BIRC6: variants seen among roughly 807,000 people sequenced by gnomAD.
BIRC6 encodes baculoviral IAP repeat containing 6.
A neutral mutation model predicts 503.3 loss-of-function variants in BIRC6; 98 were observed. The ratio of observed to expected loss-of-function variants is 0.19; its 90% CI spans 0.17 to 0.23. The LOEUF (loss-of-function observed/expected upper bound fraction) is 0.23. BIRC6 is among the 10% of genes least tolerant of loss of function. The pLI is 1.00. For synonymous variants in BIRC6, 2,240 were observed against 2,078.7 expected (o/e 1.08, Z -2.11); for missense variants, 5,360 against 5,806.0 (o/e 0.92, Z 2.50).
Position 32,482,487 on chromosome 2 carries a change from A to C in BIRC6, c.7601A>C (p.Asn2534Thr). The C allele has an allele frequency of 6.2e-7, 1 of 1,613,846 alleles. No individual in the cohort carries two copies. The highest frequency in any genetic ancestry group is 8.5e-7 in the Non-Finnish European group (1 of 1,179,756). Residue 2534 changes from asparagine to threonine, a missense_variant, in exon 39 of 74, where the codon AAC (asparagine) becomes ACC (threonine). Asn to Thr is a moderately conservative substitution (Grantham distance 65, BLOSUM62 0). Transcript: ENST00000421745. Reference protein sequence around the residue: ...WGADYGTYNYNPYIGGLGIPV... With the variant: ...WGADYGTYNYTPYIGGLGIPV... ...GCTGATTATGGGACCTACAATTACA[A>C]CCCTTACATTGGAGGTCTGGGAATT... is the stretch of plus-strand genomic sequence containing the variant.
At chr2:32,372,288 T>A (rs1443842847) in intron 1 of BIRC6, among the ~76,000 whole-genome samples, 1 of 152,200 alleles carries the variant, frequency 6.6e-6, no homozygotes, top group African/African-American at 2.4e-5. Flanking sequence ...GGTATCACTT[T>A]GTAGTCACAT....
intron 61 of BIRC6, among the ~76,000 whole-genome samples, chr2:32,538,289 C>T (rs2057394562): frequency 6.6e-6 from 1 of 152,094 alleles, no homozygotes; most frequent in Non-Finnish European, 1.5e-5. Flanking sequence ...TAAACATAGG[C>T]ATTTTGAGAG....
At position 32,474,681 on chromosome 2, in the gene BIRC6, T is replaced by C. The variant is rs543824277; in HGVS notation, c.6720+1442T>C. Reference sequence around the variant, plus strand: ...TGGCTTAGTGAAAACTAGTTGTATTTGTACAATAATTAAAACTGGCTGTTT... The same window carrying C: ...TGGCTTAGTGAAAACTAGTTGTATTCGTACAATAATTAAAACTGGCTGTTT... On this transcript the variant is annotated intron_variant, in intron 33 of 73. Transcript: ENST00000421745. Among the ~76,000 whole-genome samples the C allele has an allele frequency of 5.3e-5, 8 of 152,344 alleles. No individual in the cohort carries two copies. In the South Asian group the frequency reaches 1.7e-3, roughly 32 times the overall value.
chr2:32,597,677 A>T, intron 68 of BIRC6, 74 bp from the exon 69 acceptor site: 3 of 1,062,286 alleles, frequency 2.8e-6, no homozygotes, highest in Non-Finnish European at 2.8e-6. Flanking sequence ...GAGAAGGACT[A>T]GTGATTGTTT....
Position 32,467,458 on chromosome 2 carries a change from T to A in BIRC6, c.5357-67T>A. 5.6e-6 allele frequency: 7 copies of A among 1,255,624 alleles called. No homozygotes were observed. In the South Asian group the frequency reaches 9.0e-5, roughly 16 times the overall value. 77.8% of individuals were successfully genotyped at this position (1,255,624 alleles called of 1,614,324 possible). A position where few individuals can be genotyped will look rare whatever the true frequency, so the allele number is the denominator to read the frequency against. On this transcript the variant is annotated intron_variant, in intron 26 of 73. Coordinates refer to ENST00000421745, the MANE Select transcript of BIRC6 (RefSeq NM_016252.4). ...ATATTTTAAGATGAGTGCTCCAAATTATTTTTGAGTGTATCATTTGGTTAA... is the reference window on the plus strand; with the variant it reads ...ATATTTTAAGATGAGTGCTCCAAATAATTTTTGAGTGTATCATTTGGTTAA...
chr2:32,521,365 C>CAAAAAAAA (rs35410265), intron 57 of BIRC6, among the ~76,000 whole-genome samples: 242 of 21,510 alleles, frequency 0.011, 55 homozygotes, highest in Non-Finnish European at 0.015. Flanking sequence ...GACCTCATCT[C>CAAAAAAAA]AAAAAAAAAA....
chr2:32,532,708 CTATGT>C (rs1158402774), intron 61 of BIRC6, among the ~76,000 whole-genome samples: 1 of 152,142 alleles, frequency 6.6e-6, no homozygotes, highest in African/African-American at 2.4e-5. Context: ...GATGATATAA[CTATGT>C]TATAAGGTGA....
rs1257352924 is a variant in BIRC6, at chr2:32,442,426, G to A, written c.4209G>A (p.Lys1403=). 4 of 1,608,906 alleles carry A rather than the reference G, an allele frequency of 2.5e-6. No individual in the cohort carries two copies. The highest frequency in any genetic ancestry group is 1.1e-5 in the South Asian group (1 of 89,942). Residue 1403 remains lysine (K), a synonymous_variant, in exon 19 of 74, where the codon AAG becomes AAA. Coordinates refer to ENST00000421745, the MANE Select transcript of BIRC6 (RefSeq NM_016252.4). Reference sequence around the variant, plus strand: ...AGGCAGGACGAAGTATAGCCCATAAGTGTGCCCGATTTCTAGCCTTGTGCA... The same window carrying A: ...AGGCAGGACGAAGTATAGCCCATAAATGTGCCCGATTTCTAGCCTTGTGCA... The part of the protein sequence containing the change: ...FFEAGRSIAH[K]CARFLALCIS...
At chr2:32,372,506 C>T (rs76033942) in intron 1 of BIRC6, among the ~76,000 whole-genome samples, 2,459 of 152,026 alleles carry the variant, frequency 0.016, 49 homozygotes, top group African/African-American at 0.057. Context: ...AATAGTATTC[C>T]ATCGTATTGA....
Position 32,401,375 on chromosome 2 carries a change from A to C in BIRC6, c.1247A>C (p.Lys416Thr), listed in dbSNP as rs781741200. ...AAGATCTGCATATGGGATGTTTCCA[A>C]ACTTATGAAGGTATGTTTGAATTTT... ...RGKICIWDVS[K>T]LMKVHLKFEI... The change falls in exon 7 of 74, where the codon AAA becomes ACA. Residue 416 changes from lysine (K) to threonine (T), a missense_variant. By Grantham distance (78) the Lys-to-Thr change is moderately conservative. Around this residue, in one of 16 missense-constraint regions of BIRC6, gnomAD observed 700 missense variants for 739.3 expected, o/e 0.95. Coordinates refer to ENST00000421745, the MANE Select transcript of BIRC6 (RefSeq NM_016252.4). 6.2e-7 allele frequency: 1 copy of C among 1,614,036 alleles called. No homozygotes were observed. Among genetic ancestry groups the C allele is most frequent in the Non-Finnish European group, 8.5e-7 (1 of 1,179,874 alleles).
At chr2:32,479,726 C>T in intron 37 of BIRC6, 109 bp downstream of exon 37, 1 of 1,019,552 alleles carries the variant, frequency 9.8e-7, no homozygotes. Context: ...TCTATTAGTT[C>T]TTTGGCCTTA....
chr2:32,499,910 G>T lies in BIRC6; in HGVS notation c.8832G>T (p.Val2944=). ...GCAATAGGGAATACAGTGCAAGAGTGTCTGTGACCACAAATACAACAGATA... is the reference window on the plus strand; with the variant it reads ...GCAATAGGGAATACAGTGCAAGAGTTTCTGTGACCACAAATACAACAGATA... ...LSGNREYSAR[V]SVTTNTTDSV... is the part of the protein sequence containing the mutation. Residue 2944 remains valine (V), a synonymous_variant, in exon 46 of 74, where the codon GTG becomes GTT. Coordinates refer to ENST00000421745, the MANE Select transcript of BIRC6 (RefSeq NM_016252.4). The T allele has an allele frequency of 6.2e-7, 1 of 1,614,038 alleles. No homozygotes were observed. Among genetic ancestry groups the T allele is most frequent in the Admixed American group, 1.7e-5 (1 of 60,032 alleles).
intron 10 of BIRC6, among the ~76,000 whole-genome samples, chr2:32,424,166 CATT>C (rs1265015608): frequency 1.3e-5 from 2 of 151,980 alleles, no homozygotes; most frequent in Non-Finnish European, 2.9e-5. Flanking sequence ...ATATTGCTAT[CATT>C]GTGCTATTTT....
chr2:32,540,980 G>T (rs374461310), intron 61 of BIRC6, among the ~76,000 whole-genome samples: 2 of 151,954 alleles, frequency 1.3e-5, no homozygotes, highest in Non-Finnish European at 2.9e-5. Flanking sequence ...TCTGATTTTC[G>T]TGAAGTTGAG....
intron 10 of BIRC6, among the ~76,000 whole-genome samples, chr2:32,428,736 GTATT>G (rs1477905305): frequency 6.6e-6 from 1 of 152,052 alleles, no homozygotes; most frequent in Non-Finnish European, 1.5e-5. Context: ...AAAAATAAGA[GTATT>G]TGTTAAGTTT....
intron 57 of BIRC6, among the ~76,000 whole-genome samples, chr2:32,520,670 A>T (rs1432254500): frequency 1.3e-5 from 2 of 152,158 alleles, no homozygotes; most frequent in Non-Finnish European, 2.9e-5. Flanking sequence ...TACAAAAATT[A>T]GTTGGGTATG....
rs199724601 is a variant in BIRC6, at chr2:32,381,572, GTC to G, written c.645+1285_645+1286del. 5.2e-3 allele frequency among the ~76,000 whole-genome samples: 764 copies of G among 145,760 alleles called. 9 individuals are homozygous for G. Among genetic ancestry groups the G allele is most frequent in the African/African-American group, 0.018 (716 of 38,972 alleles). On this transcript the variant is annotated intron_variant, in intron 3 of 73. Coordinates refer to ENST00000421745, the MANE Select transcript of BIRC6 (RefSeq NM_016252.4). ...TTTTTTTTTTTTGGTTCGAGACAGAGTCTCACTCTGTAACCTAGGCTGGAGTG... is the reference window on the plus strand; with the variant it reads ...TTTTTTTTTTTTGGTTCGAGACAGAGTCACTCTGTAACCTAGGCTGGAGTG...
chr2:32,492,678 A>G (rs1174495483), intron 44 of BIRC6, among the ~76,000 whole-genome samples: 3 of 152,102 alleles, frequency 2.0e-5, no homozygotes, highest in South Asian at 4.1e-4. Context: ...CTGTTTTTGA[A>G]TAAAAGAAAG....
At position 32,357,252 on chromosome 2, in the gene BIRC6, G is replaced by A. The variant is rs909401890; in HGVS notation, c.91G>A (p.Ala31Thr). Residue 31 changes from alanine (A) to threonine (T), a missense_variant, in exon 1 of 74, where the codon GCT becomes ACT. By Grantham distance (58) the Ala-to-Thr change is moderately conservative. Around this residue, in one of 16 missense-constraint regions of BIRC6, gnomAD observed 145 missense variants for 106.9 expected, o/e 1.36. Coordinates refer to ENST00000421745, the MANE Select transcript of BIRC6 (RefSeq NM_016252.4). This position sits in a 1 kb window ranked among gnomAD's most constrained non-coding sequence, Gnocchi z 4.9. ...IVLSAGRKMA[A>T]AAAAASGPGC... ...GCTGAGCGCAGGCCGGAAGATGGCG[G>A]CTGCGGCTGCGGCGGCCTCGGGCCC... The A allele has an allele frequency of 6.6e-7, 1 of 1,522,336 alleles. No homozygotes were observed. The highest frequency in any genetic ancestry group is 1.4e-5 in the African/African-American group (1 of 69,464). The allele number at this position is 1,522,336 out of a possible 1,614,324, so 94.3% of individuals were successfully genotyped here.
Sources: gnomAD v4.1 joint callset for allele counts (sites outside exome capture counted in the v4.1 genomes callset) on GRCh38, gnomAD v4.1.1 for gene constraint, gnomAD v4.1.1 regional missense constraint, Gnocchi (gnomAD v3.1) non-coding constraint, MANE v1.5 for transcripts, NCBI Gene and HGNC (gene_info 2026-07-23, HGNC 2026-07-21) for gene names.